Variants in FUT8 observed in about 807,000 individuals in gnomAD.
FUT8 encodes the protein fucosyltransferase 8.
FUT8 carries 29 observed loss-of-function variants against 71.3 expected under a neutral mutation model. The observed-to-expected ratio is 0.41, with a 90% confidence interval of 0.30 to 0.55. The LOEUF (loss-of-function observed/expected upper bound fraction) is 0.55, where lower values mean the gene tolerates loss of function less well. Among genes scored for constraint, FUT8 ranks in the 20% least tolerant of loss-of-function variants. The probability of loss-of-function intolerance (pLI) is 0.34; values close to 1 mark genes in which losing one functional copy is unlikely to be tolerated. For synonymous variants in FUT8, 254 were observed against 239.3 expected (o/e 1.06, Z -0.57); for missense variants, 544 against 702.1 (o/e 0.77, Z 2.55).
chr14:65,446,148 A>T (rs2065738161), intron 1 of FUT8, among the ~76,000 whole-genome samples: 2 of 152,192 alleles, frequency 1.3e-5, no homozygotes, highest in Admixed American at 1.3e-4. Context: ...AAGCCTTTTA[A>T]TCTACAGATC....
At chr14:65,383,705 A>G in the FUT8 span, among the ~76,000 whole-genome samples, 42 of 152,262 alleles carry the variant, frequency 2.8e-4, no homozygotes, top group African/African-American at 9.1e-4. Flanking sequence ...TGTTTCCCCA[A>G]TCATGAGTTC....
intron 2 of FUT8, among the ~76,000 whole-genome samples, chr14:65,460,018 G>A (rs891973763): frequency 3.0e-4 from 46 of 152,190 alleles, no homozygotes; most frequent in Non-Finnish European, 5.9e-5. Flanking sequence ...TTGTGACTCA[G>A]CTGAAGTGGT....
chr14:65,560,836 A>G (rs780725372), intron 2 of FUT8, among the ~76,000 whole-genome samples: 1 of 152,146 alleles, frequency 6.6e-6, no homozygotes, highest in Non-Finnish European at 1.5e-5. Context: ...CCTAAAAGTG[A>G]CAATTTGCCT....
intron 2 of FUT8, among the ~76,000 whole-genome samples, chr14:65,501,734 G>A (rs2066648114): frequency 6.6e-6 from 1 of 152,152 alleles, no homozygotes. Context: ...CTGGTCAAAG[G>A]AGGCCATAGG....
intron 1 of FUT8, among the ~76,000 whole-genome samples, chr14:65,454,506 G>A (rs1426981336): frequency 6.6e-6 from 1 of 151,968 alleles, no homozygotes; most frequent in African/African-American, 2.4e-5. Flanking sequence ...TAAAAAAAAA[G>A]AAAATAGTTG....
chr14:65,364,962 T>C, the FUT8 span, among the ~76,000 whole-genome samples: 1 of 152,194 alleles, frequency 6.6e-6, no homozygotes. Flanking sequence ...CCCTCATGCT[T>C]TGGCCGTGTA....
At chr14:65,662,398 A>T (rs1361816141) in intron 6 of FUT8, among the ~76,000 whole-genome samples, 1 of 152,174 alleles carries the variant, frequency 6.6e-6, no homozygotes, top group East Asian at 1.9e-4. Context: ...AAATAATAAT[A>T]ATAATTGAAG....
intron 6 of FUT8, among the ~76,000 whole-genome samples, chr14:65,659,487 A>G (rs1393579724): frequency 6.6e-6 from 1 of 152,138 alleles, no homozygotes; most frequent in African/African-American, 2.4e-5. Context: ...TTTATTTAAA[A>G]CGAAACATTT....
intron 1 of FUT8, among the ~76,000 whole-genome samples, chr14:65,429,213 A>G (rs1038606519): frequency 1.3e-5 from 2 of 152,244 alleles, no homozygotes; most frequent in African/African-American, 4.8e-5. Context: ...CTGCTTTCAA[A>G]TAATCAATAA....
chr14:65,397,120 T>A, the FUT8 span, among the ~76,000 whole-genome samples: 1 of 152,192 alleles, frequency 6.6e-6, no homozygotes, highest in African/African-American at 2.4e-5. This position sits in a 1 kb window ranked among gnomAD's most constrained non-coding sequence, Gnocchi z 4.2. Flanking sequence ...ATGATTGGAA[T>A]ATGTAGCGTC....
At chr14:65,481,018 A>G (rs2066322658) in intron 2 of FUT8, among the ~76,000 whole-genome samples, 1 of 152,026 alleles carries the variant, frequency 6.6e-6, no homozygotes, top group South Asian at 2.1e-4. Context: ...TTTTTTGAGG[A>G]GACATCATAC....
intron 3 of FUT8, among the ~76,000 whole-genome samples, chr14:65,565,093 G>A (rs1324643622): frequency 6.6e-6 from 1 of 151,994 alleles, no homozygotes; most frequent in Non-Finnish European, 1.5e-5. Flanking sequence ...AGTGGAAGGA[G>A]AGTAAGCGTG....
chr14:65,616,316 G>A lies in FUT8; in HGVS notation c.425G>A (p.Gly142Glu). The A allele has an allele frequency of 1.2e-6, 2 of 1,612,410 alleles. No homozygotes were observed. Among genetic ancestry groups the A allele is most frequent in the South Asian group, 2.2e-5 (2 of 90,772 alleles). The change falls in exon 5 of 11, where the codon GGA becomes GAA. Residue 142 changes from glycine (G) to glutamate (E), a missense_variant. By Grantham distance (98) the Gly-to-Glu change is moderately conservative. Transcript: ENST00000673929. ...TTGAAGAAATTAAAGAACTTAGAAG[G>A]AAATGAACTCCAAAGACATGCAGAT... The part of the protein sequence containing the change: ...SELKKLKNLE[G>E]NELQRHADEF...
At chr14:65,367,556 A>G in the FUT8 span, among the ~76,000 whole-genome samples, 2 of 152,198 alleles carry the variant, frequency 1.3e-5, no homozygotes, top group Non-Finnish European at 2.9e-5. Flanking sequence ...ACTATTTAGA[A>G]TAATAAAGTA....
At chr14:65,586,583 C>G (rs2140128055) in intron 3 of FUT8, among the ~76,000 whole-genome samples, 2 of 152,252 alleles carry the variant, frequency 1.3e-5, no homozygotes, top group Middle Eastern at 6.8e-3. Context: ...AGCATGCCAA[C>G]AAAATTTGGA....
At chr14:65,675,637 G>T (rs1262197077) in intron 7 of FUT8, among the ~76,000 whole-genome samples, 1 of 152,118 alleles carries the variant, frequency 6.6e-6, no homozygotes, top group Non-Finnish European at 1.5e-5. Context: ...GGTACTTCTA[G>T]GTTATTTACC....
In FUT8 at chr14:65,733,299, C is replaced by T. The variant is rs371962329; in HGVS notation, c.1328C>T (p.Thr443Ile). ...TCAGCTGGACTGCACAATCGATACACAGAAAATTCACTTCGTGGAGTGATC... is the reference window on the plus strand; with the variant it reads ...TCAGCTGGACTGCACAATCGATACATAGAAAATTCACTTCGTGGAGTGATC... The part of the protein sequence containing the change: ...SWSAGLHNRY[T>I]ENSLRGVILD... Residue 443 changes from threonine to isoleucine, a missense_variant, in exon 10 of 11, where the codon ACA becomes ATA. Physicochemically the swap from Thr to Ile is moderately conservative, Grantham distance 89. Transcript: ENST00000673929. The T allele has an allele frequency of 6.2e-7, 1 of 1,608,776 alleles. No individual in the cohort carries two copies. Among genetic ancestry groups the T allele is most frequent in the African/African-American group, 1.3e-5 (1 of 74,738 alleles).
chr14:65,497,004 C>T (rs185189559), intron 2 of FUT8, among the ~76,000 whole-genome samples: 1 of 152,068 alleles, frequency 6.6e-6, no homozygotes, highest in Non-Finnish European at 1.5e-5. Flanking sequence ...CAACCACCTC[C>T]TAGGGTTGTG....
At chr14:65,449,208 A>G (rs1393200947) in intron 1 of FUT8, among the ~76,000 whole-genome samples, 1 of 152,228 alleles carries the variant, frequency 6.6e-6, no homozygotes, top group Non-Finnish European at 1.5e-5. Context: ...TAGTGAATAA[A>G]TTAGTTATAA....
Sources: gnomAD v4.1 joint callset for allele counts (sites outside exome capture counted in the v4.1 genomes callset) on GRCh38, gnomAD v4.1.1 for gene constraint, Gnocchi (gnomAD v3.1) non-coding constraint, MANE v1.5 for transcripts, NCBI Gene and HGNC (gene_info 2026-07-23, HGNC 2026-07-21) for gene names.